ANKS1A: variants seen among roughly 807,000 people sequenced by gnomAD.
The protein encoded by ANKS1A is ankyrin repeat and SAM domain-containing protein 1A.
ANKS1A carries 55 observed loss-of-function variants against 120.3 expected under a neutral mutation model. The ratio of observed to expected loss-of-function variants is 0.46; its 90% CI spans 0.37 to 0.57. ANKS1A has a LOEUF of 0.57. Among genes scored for constraint, ANKS1A ranks in the 20% least tolerant of loss-of-function variants. The pLI is 0.00. For synonymous variants in ANKS1A, 590 were observed against 604.7 expected, an observed-to-expected ratio of 0.98 and a Z score of 0.36; for missense variants, 1,123 against 1,480.3, an observed-to-expected ratio of 0.76 and a Z score of 3.96.
At chr6:35,061,072 C>T (rs1479478434) in intron 13 of ANKS1A, among the ~76,000 whole-genome samples, 1 of 152,174 alleles carries the variant, frequency 6.6e-6, no homozygotes, top group Non-Finnish European at 1.5e-5. Flanking sequence ...TGCTTGGCGC[C>T]GTTCTTAGTG....
Position 35,088,792 on chromosome 6 carries a change from C to T in ANKS1A, c.*183C>T, listed in dbSNP as rs1778140164. 7.3e-6 allele frequency: 11 copies of T among 1,516,174 alleles called. No individual in the cohort carries two copies. The highest frequency in any genetic ancestry group is 3.6e-4 in the Middle Eastern group (2 of 5,574). The allele number at this position is 1,516,174 out of a possible 1,614,324, so 93.9% of individuals were successfully genotyped here. A position where few individuals can be genotyped will look rare whatever the true frequency, so the allele number is the denominator to read the frequency against. ...CCACGTCCTGCAGAACGAGCCCTGC[C>T]TTGGCTGTGGAGAAGCACTCCAGGC... is the stretch of plus-strand genomic sequence containing the variant. On this transcript the variant is annotated 3_prime_UTR_variant, in exon 24 of 24. Coordinates refer to ENST00000360359, the MANE Select transcript of ANKS1A (RefSeq NM_015245.3).
chr6:35,008,449 C>T (rs1197828894), intron 10 of ANKS1A, among the ~76,000 whole-genome samples: 4 of 152,204 alleles, frequency 2.6e-5, no homozygotes, highest in African/African-American at 9.7e-5. Flanking sequence ...TGGCCTCAAG[C>T]AATCCCACCT....
intron 13 of ANKS1A, among the ~76,000 whole-genome samples, chr6:35,068,969 G>A (rs1380438333): frequency 2.6e-5 from 4 of 152,176 alleles, no homozygotes; most frequent in Admixed American, 6.5e-5. Flanking sequence ...TTGGGTGAAC[G>A]TCCAATGCAA....
chr6:34,962,954 C>T (rs1770718020), intron 1 of ANKS1A, among the ~76,000 whole-genome samples: 1 of 151,240 alleles, frequency 6.6e-6, no homozygotes. Context: ...CTCTGCCTCC[C>T]AGGTTCAAGC....
At chr6:35,070,719 C>T (rs747348857) in intron 13 of ANKS1A, among the ~76,000 whole-genome samples, 3 of 152,022 alleles carry the variant, frequency 2.0e-5, no homozygotes, top group African/African-American at 4.8e-5. Flanking sequence ...CTCCTGACCT[C>T]GTGATCTGCC....
At chr6:34,963,660 G>A (rs531834485) in intron 1 of ANKS1A, among the ~76,000 whole-genome samples, 1 of 152,254 alleles carries the variant, frequency 6.6e-6, no homozygotes, top group Non-Finnish European at 1.5e-5. Context: ...GGTTCATATG[G>A]TAGTTATATT....
chr6:35,026,696 T>C (rs1774642312), intron 11 of ANKS1A, among the ~76,000 whole-genome samples: 1 of 152,126 alleles, frequency 6.6e-6, no homozygotes, highest in Admixed American at 6.5e-5. Context: ...TGGGCTACTT[T>C]CTCTTAATTA....
At chr6:34,944,275 C>CA (rs145362168) in intron 1 of ANKS1A, among the ~76,000 whole-genome samples, 1,750 of 137,934 alleles carry the variant, frequency 0.013, 9 homozygotes, top group Non-Finnish European at 0.018. Context: ...GATGCCATCT[C>CA]AAAAAAAAAA....
intron 8 of ANKS1A, 25 bp from the exon 9 acceptor site, chr6:34,989,199 A>G: frequency 6.2e-7 from 1 of 1,605,604 alleles, no homozygotes; most frequent in South Asian, 1.1e-5. Context: ...AGATCGCAAA[A>G]TATTTATTTT....
chr6:34,989,504 C>T (rs1772397728), intron 9 of ANKS1A, among the ~76,000 whole-genome samples, 188 bp downstream of exon 9: 1 of 152,180 alleles, frequency 6.6e-6, no homozygotes, highest in Non-Finnish European at 1.5e-5. Flanking sequence ...ATATAGCTCT[C>T]GCAGACAGGC....
intron 1 of ANKS1A, among the ~76,000 whole-genome samples, chr6:34,933,846 G>T (rs1038174525): frequency 4.5e-4 from 68 of 152,158 alleles, no homozygotes; most frequent in African/African-American, 1.6e-3. Flanking sequence ...TGGAATTAAT[G>T]CAATTAAACA....
rs115023859 is a variant in ANKS1A at position 35,026,210 on chromosome 6, C to T, written c.2010+8151C>T. Among the ~76,000 whole-genome samples the T allele has an allele frequency of 4.5e-3, 685 of 152,194 alleles. 6 individuals carry two copies. Among genetic ancestry groups the T allele is most frequent in the Middle Eastern group, 0.027 (8 of 294 alleles). ...TAAAGTATCAGTAGGATACAGAGTG[C>T]GTGATTTTGTATGACTTTGGGAATA... On this transcript the variant is annotated intron_variant, in intron 11 of 23. Transcript: ENST00000360359.
In ANKS1A at chr6:34,982,343, A is replaced by G. The variant is rs953254029; in HGVS notation, c.732+357A>G. ...ATCAGCTTGACGTTGCCAGCAAGAA[A>G]TGTCACATTTCCTTTCTTTGTTAGC... On this transcript the variant is annotated intron_variant, in intron 4 of 23. Transcript: ENST00000360359. This position sits in a 1 kb window ranked among gnomAD's most constrained non-coding sequence, Gnocchi z 4.9. 6.6e-5 allele frequency among the ~76,000 whole-genome samples: 10 copies of G among 152,214 alleles called. No homozygotes were observed. The highest frequency in any genetic ancestry group is 1.3e-4 in the Non-Finnish European group (9 of 68,042).
At chr6:34,975,460 C>CA (rs1771522616) in intron 3 of ANKS1A, among the ~76,000 whole-genome samples, 1 of 119,234 alleles carries the variant, frequency 8.4e-6, no homozygotes, top group South Asian at 2.7e-4. Flanking sequence ...AAAAAAAAAA[C>CA]AACAAAAAAA....
At chr6:35,059,050 C>T (rs978476411) in intron 12 of ANKS1A, among the ~76,000 whole-genome samples, 4 of 152,230 alleles carry the variant, frequency 2.6e-5, no homozygotes, top group African/African-American at 9.6e-5. Flanking sequence ...AGGACCACTT[C>T]CTTTTTCTCT....
At chr6:34,924,143 CT>C (rs1768588198) in intron 1 of ANKS1A, among the ~76,000 whole-genome samples, 1 of 147,456 alleles carries the variant, frequency 6.8e-6, no homozygotes, top group South Asian at 2.1e-4. Flanking sequence ...TTCTTTTCCC[CT>C]GTATTTGTGG....
At chr6:35,040,405 G>A (rs1336047891) in intron 11 of ANKS1A, among the ~76,000 whole-genome samples, 5 of 152,228 alleles carry the variant, frequency 3.3e-5, no homozygotes, top group Non-Finnish European at 7.3e-5. Flanking sequence ...TGACTTGGTG[G>A]TGAGAGCCCA....
intron 11 of ANKS1A, among the ~76,000 whole-genome samples, chr6:35,037,349 A>G (rs181436307): frequency 2.0e-5 from 3 of 152,338 alleles, no homozygotes; most frequent in East Asian, 3.9e-4. Flanking sequence ...TTCTGGCTCA[A>G]ATTTCCCAAT....
intron 11 of ANKS1A, among the ~76,000 whole-genome samples, chr6:35,049,420 T>G (rs1775868988): frequency 6.6e-6 from 1 of 152,142 alleles, no homozygotes; most frequent in South Asian, 2.1e-4. Context: ...CCCTGAATGG[T>G]TCTTTAGTGT....
Sources: gnomAD v4.1 joint callset for allele counts (sites outside exome capture counted in the v4.1 genomes callset) on GRCh38, gnomAD v4.1.1 for gene constraint, Gnocchi (gnomAD v3.1) non-coding constraint, MANE v1.5 for transcripts, NCBI Gene and HGNC (gene_info 2026-07-23, HGNC 2026-07-21) for gene names.